NREP: variants seen among roughly 807,000 people sequenced by gnomAD.
NREP encodes neuronal regeneration-related protein.
In NREP, 5 loss-of-function variants were observed where a neutral mutation model predicts 8.6. The ratio of observed to expected loss-of-function variants is 0.58; its 90% CI spans 0.30 to 1.22. The LOEUF (loss-of-function observed/expected upper bound fraction) is 1.22. Ranked by LOEUF, NREP falls within the 50% of genes most tolerant of loss-of-function variation. The pLI is 0.07. For synonymous variants in NREP, 27 were observed against 28.0 expected, an observed-to-expected ratio of 0.96 and a Z score of 0.11; for missense variants, 86 against 82.5, an observed-to-expected ratio of 1.04 and a Z score of -0.17.
chr5:111,778,819 CA>C (rs1453736329), intron 2 of NREP, among the ~76,000 whole-genome samples: 2 of 152,098 alleles, frequency 1.3e-5, no homozygotes, highest in African/African-American at 4.8e-5. Flanking sequence ...GAGGTTACTA[CA>C]TGTAAAATAT....
chr5:111,974,473 C>G (rs1436976082), intron 2 of NREP: 1 of 152,168 alleles, frequency 6.6e-6, no homozygotes, highest in Non-Finnish European at 1.5e-5. Context: ...AGGAGCATGA[C>G]ATAATTTCAA....
intron 2 of NREP, among the ~76,000 whole-genome samples, chr5:111,872,966 A>C (rs1390223799): frequency 6.6e-6 from 1 of 152,140 alleles, no homozygotes; most frequent in Non-Finnish European, 1.5e-5. Flanking sequence ...AGCCATTTTA[A>C]CTTGGGTCTC....
At chr5:111,829,230 T>TG (rs373603655) in intron 2 of NREP, among the ~76,000 whole-genome samples, 5 of 152,252 alleles carry the variant, frequency 3.3e-5, no homozygotes, top group African/African-American at 1.2e-4. Flanking sequence ...GCTAAGGAGT[T>TG]GAGACTTTCA....
At chr5:111,953,209 G>A (rs1756214678) in intron 2 of NREP, among the ~76,000 whole-genome samples, 1 of 152,082 alleles carries the variant, frequency 6.6e-6, no homozygotes, top group Non-Finnish European at 1.5e-5. Flanking sequence ...CTTGCAGGGT[G>A]AATGATTTAG....
intron 2 of NREP, among the ~76,000 whole-genome samples, chr5:111,888,808 T>G (rs1754324006): frequency 6.6e-6 from 1 of 152,244 alleles, no homozygotes; most frequent in South Asian, 2.1e-4. Flanking sequence ...TTTCAAATGC[T>G]GGATTAAACC....
At chr5:111,976,658 C>G (rs769788655) in intron 1 of NREP, 8 of 1,448,722 alleles carry the variant, frequency 5.5e-6, no homozygotes, top group Non-Finnish European at 7.5e-6. Flanking sequence ...TTGTTTTCTT[C>G]CTTTAAAAAT....
At chr5:111,843,439 T>C (rs1753081657) in intron 2 of NREP, among the ~76,000 whole-genome samples, 1 of 152,052 alleles carries the variant, frequency 6.6e-6, no homozygotes, top group Non-Finnish European at 1.5e-5. Context: ...GTTTAAATTA[T>C]TTGTTTTCCT....
Position 111,730,922 on chromosome 5 carries a change from T to G in NREP, c.206A>C (p.Ter69SerextTer2). 2 of 1,613,774 alleles carry G rather than the reference T, an allele frequency of 1.2e-6. No homozygotes were observed. Among genetic ancestry groups the G allele is most frequent in the Non-Finnish European group, 1.7e-6 (2 of 1,179,772 alleles). Residue 69 changes from the stop codon to serine (S), a stop_lost, in exon 4 of 4, where the codon TAA becomes TCA. Coordinates refer to ENST00000257435, the MANE Select transcript of NREP (RefSeq NM_004772.4). ...SPRISYLHFF[*>S] is the part of the protein sequence containing the mutation. Reference sequence around the variant, plus strand: ...GTAATACAAATGGAGGTGTTACGATTAAAAAAAGTGGAGGTAACTGATTCT... The same window carrying G: ...GTAATACAAATGGAGGTGTTACGATGAAAAAAAGTGGAGGTAACTGATTCT...
chr5:111,888,339 T>TGGGG (rs1554105346), intron 2 of NREP, among the ~76,000 whole-genome samples: 1 of 144,720 alleles, frequency 6.9e-6, no homozygotes, highest in Non-Finnish European at 1.5e-5. Context: ...CATTGCTGGG[T>TGGGG]GGCGGGGGGG....
intron 2 of NREP, among the ~76,000 whole-genome samples, chr5:111,881,021 G>C (rs530483101): frequency 6.6e-5 from 10 of 152,350 alleles, no homozygotes; most frequent in African/African-American, 1.9e-4. Context: ...AGCAGGGCGA[G>C]GCATTGCCTC....
intron 1 of NREP, 22 bp downstream of exon 1, chr5:111,757,114 G>T (rs1459150776): frequency 1.1e-5 from 8 of 757,888 alleles, no homozygotes; most frequent in Non-Finnish European, 1.3e-5. Context: ...CCCAGCCGGG[G>T]ATAGGAATGG....
chr5:111,855,085 A>G (rs1753396823), intron 2 of NREP, among the ~76,000 whole-genome samples: 1 of 152,196 alleles, frequency 6.6e-6, no homozygotes, highest in African/African-American at 2.4e-5. Flanking sequence ...AGTAGACACC[A>G]GTAAGTGGAA....
At chr5:111,967,101 C>T (rs1232907096) in intron 2 of NREP, among the ~76,000 whole-genome samples, 1 of 152,188 alleles carries the variant, frequency 6.6e-6, no homozygotes, top group Non-Finnish European at 1.5e-5. Context: ...AAGACTGCTA[C>T]TCAATACCCT....
At chr5:111,756,091 T>C in intron 1 of NREP, 1 of 1,159,848 alleles carries the variant, frequency 8.6e-7, no homozygotes, top group South Asian at 2.9e-5. Flanking sequence ...TTAAATTGCA[T>C]GAGTTCAAAA....
In NREP at chr5:111,964,232, T is replaced by A. The variant is rs368923381; in HGVS notation, c.135+11042A>T. ...TCATATGTAAACTTTTTATCTGACA[T>A]CTTTCATTTAACATATATTTTGAGA... On this transcript the variant is annotated intron_variant, in intron 2 of 3. Transcript: ENST00000395634. Among the ~76,000 whole-genome samples the A allele has an allele frequency of 5.9e-5, 9 of 152,368 alleles. No individual in the cohort carries two copies. The South Asian group carries it at 1.0e-3, about 18-fold the overall frequency.
chr5:111,922,500 A>G (rs1043451495), intron 2 of NREP, among the ~76,000 whole-genome samples: 2 of 152,146 alleles, frequency 1.3e-5, no homozygotes, highest in African/African-American at 4.8e-5. Flanking sequence ...TGATTTTGGC[A>G]TATGGGTGAA....
chr5:111,768,838 T>G (rs766894346), intron 2 of NREP, among the ~76,000 whole-genome samples: 1 of 152,228 alleles, frequency 6.6e-6, no homozygotes, highest in East Asian at 1.9e-4. Context: ...TATATATACC[T>G]GTCTGGTAGA....
intron 2 of NREP, among the ~76,000 whole-genome samples, chr5:111,843,296 T>C (rs1279934719): frequency 1.3e-5 from 2 of 151,912 alleles, no homozygotes; most frequent in East Asian, 1.9e-4. Context: ...AGCTTGCTGA[T>C]TGCTTCCTTC....
At chr5:111,835,880 C>A (rs545789807) in intron 2 of NREP, among the ~76,000 whole-genome samples, 3 of 152,126 alleles carry the variant, frequency 2.0e-5, no homozygotes, top group South Asian at 2.1e-4. Flanking sequence ...AAAGGCTAGT[C>A]TGAGACTGAA....
Sources: allele counts gnomAD v4.1 joint callset (sites outside exome capture counted in the v4.1 genomes callset), GRCh38; gene constraint gnomAD v4.1.1; transcripts MANE v1.5; gene names NCBI Gene and HGNC (gene_info 2026-07-23, HGNC 2026-07-21).